ICE2: variants seen among roughly 807,000 people sequenced by gnomAD.
ICE2 encodes interactor of little elongation complex ELL subunit 2.
ICE2 carries 87 observed loss-of-function variants against 105.4 expected under a neutral mutation model. The ratio of observed to expected loss-of-function variants is 0.83; its 90% CI spans 0.69 to 0.99. ICE2 has a LOEUF of 0.99. Among genes scored for constraint, ICE2 ranks in the 50% least tolerant of loss-of-function variants. ICE2 has a pLI of 0.00. For synonymous variants in ICE2, 399 were observed against 392.0 expected, an observed-to-expected ratio of 1.02 and a Z score of -0.21; for missense variants, 1,323 against 1,146.7, an observed-to-expected ratio of 1.15 and a Z score of -2.22.
At chr15:60,432,905 C>G (rs1256276952) in intron 13 of ICE2, among the ~76,000 whole-genome samples, 1 of 151,962 alleles carries the variant, frequency 6.6e-6, no homozygotes, top group Non-Finnish European at 1.5e-5. Context: ...AAACCAAAAC[C>G]AAAACCAAAA....
At chr15:60,478,188 G>C (rs2064821389) in intron 1 of ICE2, 119 bp from the exon 2 acceptor site, 3 of 579,964 alleles carry the variant, frequency 5.2e-6, no homozygotes, top group South Asian at 4.2e-5. Flanking sequence ...ACCTAAAACA[G>C]AATACAGCAG....
chr15:60,455,925 T>C (rs1305091414), intron 6 of ICE2, among the ~76,000 whole-genome samples: 1 of 152,044 alleles, frequency 6.6e-6, no homozygotes, highest in East Asian at 1.9e-4. Flanking sequence ...GCCAGTTTCA[T>C]AGAATTTTTC....
At chr15:60,467,939 T>C (rs2064475573) in intron 4 of ICE2, 122 bp downstream of exon 4, 2 of 875,960 alleles carry the variant, frequency 2.3e-6, no homozygotes, top group Admixed American at 6.5e-5. Context: ...GCTCTCTCAA[T>C]CTCCTTACGT....
chr15:60,453,905 T>TC, intron 8 of ICE2, 121 bp from the exon 9 acceptor site: 1 of 748,114 alleles, frequency 1.3e-6, no homozygotes, highest in Admixed American at 2.7e-5. Flanking sequence ...GCAGCACATG[T>TC]CCCATATATT....
chr15:60,455,189 T>C (rs1410422709), intron 7 of ICE2, 27 bp from the exon 8 acceptor site: 4 of 1,546,324 alleles, frequency 2.6e-6, no homozygotes, highest in Non-Finnish European at 3.5e-6. Flanking sequence ...AATTTGTTAC[T>C]TGGTTATACT....
In ICE2 at chr15:60,449,627, G is replaced by A. The variant is rs1369703700; in HGVS notation, c.1340C>T (p.Pro447Leu). The A allele has an allele frequency of 6.2e-7, 1 of 1,613,968 alleles. No homozygotes were observed. Among genetic ancestry groups the A allele is most frequent in the African/African-American group, 1.3e-5 (1 of 74,904 alleles). ...AGTTTVAPSA[P>L]DISANSRSLS... ...ACTTCTAGAATTAGCAGAAATGTCT[G>A]GTGCACTTGGTGCCACAGTTGTAGT... The change falls in exon 10 of 16, where the codon CCA (proline) becomes CTA (leucine). Residue 447 changes from proline (P) to leucine (L), a missense_variant. Physicochemically the swap from Pro to Leu is moderately conservative, Grantham distance 98. Transcript: ENST00000261520.
rs748547524 is a variant in ICE2 at position 60,468,129 on chromosome 15, T to G, written c.340A>C (p.Lys114Gln). Residue 114 changes from lysine to glutamine, a missense_variant, in exon 4 of 16, where the codon AAA (lysine) becomes CAA (glutamine). By Grantham distance (53) the Lys-to-Gln change is moderately conservative (BLOSUM62 1). Coordinates refer to ENST00000261520, the MANE Select transcript of ICE2 (RefSeq NM_024611.6). The stretch of plus-strand genomic sequence containing the variant: ...GAATTTGCAGGAATCTTTGCGTATT[T>G]AACCAACAAGTCCACATAACTCCTC... ...EQRSYVDLLV[K>Q]YAKIPANSKA... The G allele has an allele frequency of 6.9e-5, 112 of 1,614,074 alleles. No homozygotes were observed. The Middle Eastern group carries it at 5.0e-3, about 71-fold the overall frequency.
chr15:60,456,607 ACACT>A lies in ICE2; in HGVS notation c.666+46_666+49del, dbSNP rs373893616. ...TATACACACACACACACACACACAC[ACACT>A]ATTTCAGACAAAAAAAAGCTTATAT... On this transcript the variant is annotated intron_variant, in intron 6 of 15. Transcript: ENST00000261520. The A allele has an allele frequency of 4.7e-4, 436 of 934,080 alleles. 35 individuals are homozygous for A. The East Asian group carries it at 6.4e-3, about 14-fold the overall frequency. The allele number at this position is 934,080 out of a possible 1,614,324, so 57.9% of individuals were successfully genotyped here. A position where few individuals can be genotyped will look rare whatever the true frequency, so the allele number is the denominator to read the frequency against.
rs1315132026 is a variant in ICE2 at position 60,419,952 on chromosome 15, C to T, written c.*3682G>A. On this transcript the variant is annotated 3_prime_UTR_variant, in exon 16 of 16. Coordinates refer to ENST00000261520, the MANE Select transcript of ICE2 (RefSeq NM_024611.6). The stretch of plus-strand genomic sequence containing the variant: ...TGGAGCTTAAGTGTGGGCTTAGCGA[C>T]TTACTAATCCTTCAGATGACTGCAG... 6.6e-6 allele frequency: 1 copy of T among 152,208 alleles called. No homozygotes were observed. Among genetic ancestry groups the T allele is most frequent in the African/African-American group, 2.4e-5 (1 of 41,444 alleles). The allele number at this position is 152,208 out of a possible 1,614,324, so 9.4% of individuals were successfully genotyped here.
chr15:60,475,812 T>A (rs965051993), intron 3 of ICE2, among the ~76,000 whole-genome samples: 7 of 152,138 alleles, frequency 4.6e-5, no homozygotes, highest in Non-Finnish European at 5.9e-5. Context: ...AGTATTATAC[T>A]ATATTGGTAC....
rs1595728390 is a variant in ICE2, at chr15:60,422,887, A to G, written c.*747T>C. 6.6e-6 allele frequency: 1 copy of G among 152,170 alleles called. No individual in the cohort carries two copies. The highest frequency in any genetic ancestry group is 2.4e-5 in the African/African-American group (1 of 41,424). 9.4% of individuals were successfully genotyped at this position (152,170 alleles called of 1,614,324 possible). A position where few individuals can be genotyped will look rare whatever the true frequency, so the allele number is the denominator to read the frequency against. On this transcript the variant is annotated 3_prime_UTR_variant, in exon 16 of 16. Coordinates refer to ENST00000261520, the MANE Select transcript of ICE2 (RefSeq NM_024611.6). ...TTACCACATTAACCTTGTCATCTGGAGCAATGACACTGACTTTTTTTCTGG... is the reference window on the plus strand; with the variant it reads ...TTACCACATTAACCTTGTCATCTGGGGCAATGACACTGACTTTTTTTCTGG...
At chr15:60,477,900 C>T in intron 2 of ICE2, 37 bp downstream of exon 2, 1 of 1,571,594 alleles carries the variant, frequency 6.4e-7, no homozygotes, top group Non-Finnish European at 8.8e-7. Flanking sequence ...CCCCACTACA[C>T]TCCTCTTCAG....
In ICE2 at chr15:60,442,552, T is replaced by A; in HGVS notation, c.2296-7A>T. ...GTACATAAACTGGAAATTGCTGCAA[T>A]GCAAAATTATACTTTTTCAAAGCTC... On this transcript the variant is annotated splice_region_variant and splice_polypyrimidine_tract_variant and intron_variant, in intron 11 of 15. Coordinates refer to ENST00000261520, the MANE Select transcript of ICE2 (RefSeq NM_024611.6). The A allele has an allele frequency of 6.4e-7, 1 of 1,559,140 alleles. No homozygotes were observed. Among genetic ancestry groups the A allele is most frequent in the Non-Finnish European group, 8.6e-7 (1 of 1,160,312 alleles).
chr15:60,436,077 T>A, intron 13 of ICE2, 66 bp downstream of exon 13: 1 of 611,146 alleles, frequency 1.6e-6, no homozygotes. Context: ...TAAACAATAT[T>A]TAAAGAAAAA....
chr15:60,442,037 G>A (rs1002140966), intron 12 of ICE2: 3 of 161,532 alleles, frequency 1.9e-5, no homozygotes, highest in African/African-American at 7.2e-5. Flanking sequence ...GGTCATCCCT[G>A]TAATACCAGA....
chr15:60,425,968 A>G (rs948439872), intron 15 of ICE2, among the ~76,000 whole-genome samples: 7 of 152,164 alleles, frequency 4.6e-5, no homozygotes, highest in Non-Finnish European at 8.8e-5. Flanking sequence ...AAAATATATC[A>G]AACCAACTAT....
At chr15:60,450,343 T>A (rs1477275182) in intron 9 of ICE2, among the ~76,000 whole-genome samples, 1 of 152,178 alleles carries the variant, frequency 6.6e-6, no homozygotes, top group Non-Finnish European at 1.5e-5. Context: ...TGACTTTCTT[T>A]CCACAACTAC....
chr15:60,453,433 G>A, intron 9 of ICE2, 170 bp downstream of exon 9: 1 of 1,385,038 alleles, frequency 7.2e-7, no homozygotes, highest in Non-Finnish European at 9.4e-7. Flanking sequence ...CTTAGGCTGA[G>A]GGAGGTTAAG....
chr15:60,468,379 T>C, intron 3 of ICE2, 57 bp from the exon 4 acceptor site: 3 of 1,302,610 alleles, frequency 2.3e-6, no homozygotes, highest in Non-Finnish European at 3.2e-6. Flanking sequence ...ATTACTATCA[T>C]GGAACTTCAT....
Sources: allele counts gnomAD v4.1 joint callset (sites outside exome capture counted in the v4.1 genomes callset), GRCh38; gene constraint gnomAD v4.1.1; transcripts MANE v1.5; gene names NCBI Gene and HGNC (gene_info 2026-07-23, HGNC 2026-07-21).